Variants in CDH23 observed in about 807,000 individuals in gnomAD.
CDH23 encodes the protein cadherin related 23.
CDH23 carries 189 observed loss-of-function variants against 317.1 expected under a neutral mutation model. That is an observed-to-expected ratio of 0.60 (90% CI 0.53 to 0.67). The LOEUF is 0.67. Ranked by LOEUF, CDH23 falls within the 30% of genes least tolerant of loss-of-function variation. The pLI is 0.00. For missense variants in CDH23, 4,401 were observed against 4,592.4 expected, an observed-to-expected ratio of 0.96 and a Z score of 1.20; for synonymous variants, 1,839 against 1,876.8, an observed-to-expected ratio of 0.98 and a Z score of 0.52.
chr10:71,755,474 G>A (rs1216827496), intron 38 of CDH23: 1 of 1,606,848 alleles, frequency 6.2e-7, no homozygotes. Flanking sequence ...TGTCTGAAAG[G>A]GCAGAGAGGT....
chr10:71,702,000 G>A (rs750464510), intron 22 of CDH23, 22 bp from the exon 23 acceptor site: 4 of 1,612,760 alleles, frequency 2.5e-6, no homozygotes, highest in Non-Finnish European at 3.4e-6. Context: ...CTCAGTGAAG[G>A]GGTCTGCTCC....
intron 1 of CDH23, among the ~76,000 whole-genome samples, chr10:71,417,924 C>T (rs933338357): frequency 1.6e-4 from 24 of 152,316 alleles, no homozygotes; most frequent in African/African-American, 5.3e-4. Flanking sequence ...CAGTTATTTT[C>T]TGCGGGTCTA....
chr10:71,695,600 G>GTGGGA, intron 22 of CDH23, 75 bp downstream of exon 22: 5 of 1,050,536 alleles, frequency 4.8e-6, no homozygotes, highest in South Asian at 1.3e-5. Context: ...TGCGATTCCA[G>GTGGGA]GGGGCCTTCC....
At position 71,481,525 on chromosome 10, in the gene CDH23, G is replaced by A. The variant is rs143276951; in HGVS notation, c.146-28557G>A. Among the ~76,000 whole-genome samples, 354 of 152,280 alleles carry A rather than the reference G, an allele frequency of 2.3e-3. 2 individuals are homozygous for A. The highest frequency in any genetic ancestry group is 7.5e-3 in the African/African-American group (310 of 41,566). On this transcript the variant is annotated intron_variant, in intron 3 of 69. Coordinates refer to ENST00000224721, the MANE Select transcript of CDH23 (RefSeq NM_022124.6). Reference sequence around the variant, plus strand: ...TGCACGTGAGATAAGAGTGGCTGGGGCCCTGGGTGCCTTAGGCTAGGCTCA... The same window carrying A: ...TGCACGTGAGATAAGAGTGGCTGGGACCCTGGGTGCCTTAGGCTAGGCTCA...
intron 1 of CDH23, among the ~76,000 whole-genome samples, chr10:71,400,398 G>T (rs1188753886): frequency 6.6e-6 from 1 of 150,750 alleles, no homozygotes; most frequent in Non-Finnish European, 1.5e-5. Context: ...CTCTGCCAGG[G>T]GACAAGGTGA....
At chr10:71,597,543 G>A (rs1859942858) in intron 9 of CDH23, among the ~76,000 whole-genome samples, 1 of 152,016 alleles carries the variant, frequency 6.6e-6, no homozygotes, top group African/African-American at 2.4e-5. Context: ...GCCTGCTGTG[G>A]TGGTCCTTGG....
chr10:71,808,779 A>T (rs1841820502), intron 60 of CDH23, among the ~76,000 whole-genome samples: 2 of 151,542 alleles, frequency 1.3e-5, no homozygotes, highest in South Asian at 4.2e-4. Flanking sequence ...TGCTATCCTT[A>T]AGGGCCCTGT....
rs752930006 is a variant in CDH23, at chr10:71,807,346, G to A, written c.8248G>A (p.Val2750Met). 25 of 1,613,782 alleles carry A rather than the reference G, an allele frequency of 1.5e-5. No homozygotes were observed. The highest frequency in any genetic ancestry group is 5.0e-5 in the Admixed American group (3 of 59,982). Residue 2750 changes from valine to methionine, a missense_variant, in exon 58 of 70, where the codon GTG becomes ATG. Physicochemically the swap from Val to Met is conservative, Grantham distance 21. Coordinates refer to ENST00000224721, the MANE Select transcript of CDH23 (RefSeq NM_022124.6). ...ACCACGCGGCACCCTCGTGGGCAAC[G>A]TGACAGGCGCAGTGGATGCAGATGA... ...HSPRGTLVGN[V>M]TGAVDADEGP...
chr10:71,510,031 T>A (rs1276764856), intron 3 of CDH23, 51 bp from the exon 4 acceptor site: 42 of 1,612,312 alleles, frequency 2.6e-5, no homozygotes, highest in Non-Finnish European at 3.4e-6. Context: ...TAGGAAGGCA[T>A]AAACGTGACC....
intron 3 of CDH23, among the ~76,000 whole-genome samples, chr10:71,494,538 C>A (rs1381337336): frequency 6.6e-6 from 1 of 152,178 alleles, no homozygotes; most frequent in Non-Finnish European, 1.5e-5. Flanking sequence ...TGCGGGAATA[C>A]CTTCCTCACG....
At position 71,708,991 on chromosome 10, in the gene CDH23, C is replaced by A. The variant is rs868370974; in HGVS notation, c.3107-107C>A. 9 of 980,552 alleles carry A rather than the reference C, an allele frequency of 9.2e-6. No homozygotes were observed. In the East Asian group the frequency reaches 2.3e-4, roughly 25 times the overall value. 60.7% of individuals were successfully genotyped at this position (980,552 alleles called of 1,614,324 possible). A position where few individuals can be genotyped will look rare whatever the true frequency, so the allele number is the denominator to read the frequency against. ...GGGCCGAATCAGCAGCACAGCCTCC[C>A]ACTCCTGGACTCACCATCGCGGGTC... On this transcript the variant is annotated intron_variant, in intron 26 of 69. Coordinates refer to ENST00000224721, the MANE Select transcript of CDH23 (RefSeq NM_022124.6).
chr10:71,655,055 T>G (rs1301643843), intron 14 of CDH23, among the ~76,000 whole-genome samples: 1 of 152,170 alleles, frequency 6.6e-6, no homozygotes, highest in Non-Finnish European at 1.5e-5. Flanking sequence ...CAGTCATGCA[T>G]GAGCACAGTG....
intron 14 of CDH23, chr10:71,648,028 A>G (rs1432710505): frequency 2.6e-5 from 4 of 152,210 alleles, no homozygotes; most frequent in Non-Finnish European, 5.9e-5. Context: ...TACTCTACAG[A>G]CAGATGGTAT....
chr10:71,628,305 C>T (rs377260579), intron 11 of CDH23, among the ~76,000 whole-genome samples: 10 of 152,258 alleles, frequency 6.6e-5, no homozygotes, highest in Non-Finnish European at 5.9e-5. Context: ...CTCTGTCCCC[C>T]GAAAGGGGAG....
At chr10:71,794,910 G>A (rs990707802) in intron 48 of CDH23, among the ~76,000 whole-genome samples, 2 of 152,160 alleles carry the variant, frequency 1.3e-5, no homozygotes, top group Admixed American at 6.5e-5. Flanking sequence ...TCCATTTCTG[G>A]GAGACTGAAG....
rs143369958 is a variant in CDH23, at chr10:71,778,546, C to A, written c.5187+238C>A. 3.3e-5 allele frequency among the ~76,000 whole-genome samples: 5 copies of A among 152,294 alleles called. No individual in the cohort carries two copies. In the East Asian group the frequency reaches 9.6e-4, roughly 29 times the overall value. On this transcript the variant is annotated intron_variant, in intron 40 of 69. Transcript: ENST00000224721. ...AAGTGACAATACCTGCCCTCCTCTC[C>A]TTCATGGGAAAACCATGAACTCTGG...
At chr10:71,654,613 C>A (rs1268218791) in intron 14 of CDH23, among the ~76,000 whole-genome samples, 2 of 152,184 alleles carry the variant, frequency 1.3e-5, no homozygotes, top group African/African-American at 4.8e-5. Flanking sequence ...CAGCTGGAGT[C>A]TGGAAACAGA....
At chr10:71,764,686 C>A (rs1461095624) in intron 38 of CDH23, among the ~76,000 whole-genome samples, 2 of 152,182 alleles carry the variant, frequency 1.3e-5, no homozygotes, top group African/African-American at 4.8e-5. Flanking sequence ...CTAATAATTC[C>A]ACCTGGCCTG....
At chr10:71,812,924 C>T in intron 68 of CDH23, 34 bp downstream of exon 68, 1 of 1,609,134 alleles carries the variant, frequency 6.2e-7, no homozygotes, top group Middle Eastern at 1.7e-4. Flanking sequence ...CGCCCAGTCC[C>T]TTGGCTGAGG....
Sources: gnomAD v4.1 joint callset for allele counts (sites outside exome capture counted in the v4.1 genomes callset) on GRCh38, gnomAD v4.1.1 for gene constraint, MANE v1.5 for transcripts, NCBI Gene and HGNC (gene_info 2026-07-23, HGNC 2026-07-21) for gene names.